The following CHD8 variants were observed in gnomAD, a reference collection of about 807,000 sequenced individuals.
The protein encoded by CHD8 is ATP-dependent chromatin remodeler CHD8.
A neutral mutation model predicts 279.2 loss-of-function variants in CHD8; 31 were observed. The ratio of observed to expected loss-of-function variants is 0.11; its 90% CI spans 0.08 to 0.15. The LOEUF (loss-of-function observed/expected upper bound fraction) is 0.15, where lower values mean the gene tolerates loss of function less well. Among genes scored for constraint, CHD8 ranks in the 10% least tolerant of loss-of-function variants. The pLI, the probability that CHD8 is intolerant of heterozygous loss-of-function variation, is 1.00. For missense variants in CHD8, 2,146 were observed against 3,230.5 expected (o/e 0.66, Z 8.14); for synonymous variants, 1,081 against 1,139.6 (o/e 0.95, Z 1.04).
chr14:21,387,809 C>CAAAAAAAAAA (rs34063784), intron 37 of CHD8, among the ~76,000 whole-genome samples: 1 of 76,170 alleles, frequency 1.3e-5, no homozygotes, highest in Non-Finnish European at 2.6e-5. Flanking sequence ...CTGTCTCAAG[C>CAAAAAAAAAA]AAAAAAAAAA....
At chr14:21,455,317 C>T (rs545847191) in intron 1 of CHD8, among the ~76,000 whole-genome samples, 1 of 152,278 alleles carries the variant, frequency 6.6e-6, no homozygotes, top group South Asian at 2.1e-4. Context: ...AGGGAAATTC[C>T]CTGCGACACT....
chr14:21,429,416 G>A, intron 2 of CHD8, 81 bp from the exon 3 acceptor site: 1 of 1,406,266 alleles, frequency 7.1e-7, no homozygotes, highest in East Asian at 2.3e-5. Flanking sequence ...TTTTCTTCAT[G>A]CTAGAATCAT....
In CHD8 at chr14:21,401,071, T is replaced by C. The variant is rs1233106802; in HGVS notation, c.4174A>G (p.Asn1392Asp). 6 of 1,600,808 alleles carry C rather than the reference T, an allele frequency of 3.7e-6. No individual in the cohort carries two copies. Among genetic ancestry groups the C allele is most frequent in the Non-Finnish European group, 5.1e-6 (6 of 1,173,280 alleles). ...DLDMDLLNSK[N>D]NLVIDTPRVR... ...CTAGGTGTGTCAATTACCAAATTAT[T>C]CTATGAAGAGAACAGAAGGAGAAGT... Residue 1392 changes from asparagine to aspartate, a missense_variant and splice_region_variant, in exon 22 of 38, where the codon AAT (asparagine) becomes GAT (aspartate). Asn to Asp is a conservative substitution (Grantham distance 23). This residue lies in a region of CHD8 where 74 missense variants were observed against 91.5 expected (regional missense o/e 0.81). Transcript: ENST00000646647.
At chr14:21,411,729 C>T (rs907530895) in intron 10 of CHD8, among the ~76,000 whole-genome samples, 2 of 152,074 alleles carry the variant, frequency 1.3e-5, no homozygotes, top group Non-Finnish European at 2.9e-5. Context: ...TAAAAGAAAG[C>T]TGAATTCACT....
intron 27 of CHD8, chr14:21,396,871 G>T (rs1887809032): frequency 6.5e-6 from 1 of 153,656 alleles, no homozygotes; most frequent in Non-Finnish European, 1.4e-5. Flanking sequence ...CACAGTGCCT[G>T]GCCTAGTATT....
chr14:21,418,614 G>A (rs919429746), intron 5 of CHD8, among the ~76,000 whole-genome samples: 24 of 152,170 alleles, frequency 1.6e-4, no homozygotes. Context: ...AGGAGATCGA[G>A]ACCATCCTGG....
rs765016238 is a variant in CHD8 at position 21,386,130 on chromosome 14, A to G, written c.7229T>C (p.Ile2410Thr). The change falls in exon 38 of 38, where the codon ATT (isoleucine) becomes ACT (threonine). Residue 2410 changes from isoleucine to threonine, a missense_variant. This residue lies in a region of CHD8 where 336 missense variants were observed against 392.9 expected (regional missense o/e 0.86). Transcript: ENST00000646647. The part of the protein sequence containing the change: ...TVFNRVLPGP[I>T]APESSKKRAR... ...CCGCTTCTTGCTGCTCTCTGGTGCA[A>G]TAGGCCCTGGCAAAACCCGGTTGAA... 3.4e-5 allele frequency: 53 copies of G among 1,553,028 alleles called. No individual in the cohort carries two copies. The highest frequency in any genetic ancestry group is 2.3e-4 in the South Asian group (19 of 84,118).
At chr14:21,452,346 TA>T (rs1890276443) in intron 1 of CHD8, among the ~76,000 whole-genome samples, 1 of 151,144 alleles carries the variant, frequency 6.6e-6, no homozygotes, top group Admixed American at 6.6e-5. Flanking sequence ...AAACTTTAGG[TA>T]AAAGAAAACT....
Position 21,395,050 on chromosome 14 carries a change from C to T in CHD8, c.5252G>A (p.Arg1751His). Residue 1751 changes from arginine to histidine, a missense_variant, in exon 30 of 38, where the codon CGT becomes CAT. Around this residue, in one of 26 missense-constraint regions of CHD8, gnomAD observed 11 missense variants for 35.6 expected, o/e 0.31. Transcript: ENST00000646647. ...GCTGCGCTGATACGCTGTTACTAGACGCCGAAGCCTAGCTGTTAGGGCAGA... is the reference window on the plus strand; with the variant it reads ...GCTGCGCTGATACGCTGTTACTAGATGCCGAAGCCTAGCTGTTAGGGCAGA... Reference protein sequence around the residue: ...PGSALTARLRRLVTAYQRSYK... With the variant: ...PGSALTARLRHLVTAYQRSYK... 4 of 1,614,022 alleles carry T rather than the reference C, an allele frequency of 2.5e-6. No homozygotes were observed. The highest frequency in any genetic ancestry group is 2.5e-6 in the Non-Finnish European group (3 of 1,179,894).
rs907908089 is a variant in CHD8, at chr14:21,431,704, C to T, written c.-61G>A. 3.1e-6 allele frequency: 5 copies of T among 1,600,070 alleles called. No individual in the cohort carries two copies. In the African/African-American group the frequency reaches 6.7e-5, roughly 21 times the overall value. ...TAGGGAGGGAAGGGGAGGGGGGGTACTGGCTCTCCCCTCCCCTCCCCTATT... is the reference window on the plus strand; with the variant it reads ...TAGGGAGGGAAGGGGAGGGGGGGTATTGGCTCTCCCCTCCCCTCCCCTATT... On this transcript the variant is annotated 5_prime_UTR_variant, in exon 2 of 38. Transcript: ENST00000646647.
At chr14:21,426,866 G>T (rs1187341104) in intron 4 of CHD8, 1 of 152,266 alleles carries the variant, frequency 6.6e-6, no homozygotes, top group Non-Finnish European at 1.5e-5. Context: ...GGTAGATGCT[G>T]AAATCTCCAA....
rs750624945 is a variant in CHD8 at position 21,386,131 on chromosome 14, T to C, written c.7228A>G (p.Ile2410Val). 32 of 1,552,740 alleles carry C rather than the reference T, an allele frequency of 2.1e-5. No individual in the cohort carries two copies. The highest frequency in any genetic ancestry group is 2.5e-5 in the Non-Finnish European group (29 of 1,147,678). Residue 2410 changes from isoleucine (I) to valine (V), a missense_variant, in exon 38 of 38, where the codon ATT becomes GTT. Ile to Val is a conservative substitution (Grantham distance 29). Around this residue, in one of 26 missense-constraint regions of CHD8, gnomAD observed 336 missense variants for 392.9 expected, o/e 0.86. Transcript: ENST00000646647. ...TVFNRVLPGP[I>V]APESSKKRAR... Reference sequence around the variant, plus strand: ...CGCTTCTTGCTGCTCTCTGGTGCAATAGGCCCTGGCAAAACCCGGTTGAAC... The same window carrying C: ...CGCTTCTTGCTGCTCTCTGGTGCAACAGGCCCTGGCAAAACCCGGTTGAAC...
chr14:21,451,571 CAAAAAAAA>C (rs969355375), intron 1 of CHD8, among the ~76,000 whole-genome samples: 15 of 31,640 alleles, frequency 4.7e-4, no homozygotes, highest in African/African-American at 5.7e-4. Context: ...GACTCTGTCT[CAAAAAAAA>C]AAAAAAAAAA....
intron 5 of CHD8, among the ~76,000 whole-genome samples, chr14:21,419,173 T>C (rs1286760901): frequency 6.6e-6 from 1 of 152,260 alleles, no homozygotes; most frequent in Non-Finnish European, 1.5e-5. Flanking sequence ...ACTTGATTTT[T>C]ATCACATCCA....
chr14:21,415,487 A>G (rs1242936430), intron 7 of CHD8, 87 bp downstream of exon 7: 3 of 763,942 alleles, frequency 3.9e-6, no homozygotes, highest in African/African-American at 1.8e-5. Context: ...CCTGGGTAAC[A>G]CAGTTAGACT....
In CHD8 at chr14:21,394,401, A is replaced by G. The variant is rs764373441; in HGVS notation, c.5475T>C (p.His1825=). Reference sequence around the variant, plus strand: ...GAGCAAAAGTGCGGAAGCGATCCCAATGGAACTGCATGGTGTCAGGGTCAT... The same window carrying G: ...GAGCAAAAGTGCGGAAGCGATCCCAGTGGAACTGCATGGTGTCAGGGTCAT... ...VEYDPDTMQF[H]WDRFRTFARL... Residue 1825 remains histidine (H), a synonymous_variant, in exon 31 of 38, where the codon CAT becomes CAC. Transcript: ENST00000646647. 8.7e-6 allele frequency: 14 copies of G among 1,613,822 alleles called. No homozygotes were observed. Among genetic ancestry groups the G allele is most frequent in the African/African-American group, 2.7e-5 (2 of 74,918 alleles).
At chr14:21,455,562 T>C (rs1257474755) in intron 1 of CHD8, among the ~76,000 whole-genome samples, 1 of 152,116 alleles carries the variant, frequency 6.6e-6, no homozygotes, top group East Asian at 1.9e-4. Flanking sequence ...TGCTTACGCT[T>C]ACCCCATGCT....
intron 10 of CHD8, among the ~76,000 whole-genome samples, chr14:21,411,039 G>C (rs1036348913): frequency 6.6e-6 from 1 of 152,170 alleles, no homozygotes; most frequent in Non-Finnish European, 1.5e-5. Flanking sequence ...CCAATACTGG[G>C]AGCATAAATT....
Position 21,394,957 on chromosome 14 carries a change from G to A in CHD8, c.5345C>T (p.Ala1782Val). 1 of 1,614,006 alleles carries A rather than the reference G, an allele frequency of 6.2e-7. No individual in the cohort carries two copies. The highest frequency in any genetic ancestry group is 1.1e-5 in the South Asian group (1 of 91,078). Residue 1782 changes from alanine to valine, a missense_variant, in exon 30 of 38, where the codon GCA becomes GTA. Around this residue, in one of 26 missense-constraint regions of CHD8, gnomAD observed 513 missense variants for 637.6 expected, o/e 0.80. Transcript: ENST00000646647. ...TGCAATTTCTTTCAGCTTGAAGGCT[G>A]CTTCACAACGCCGCCTTCGCCGGTC... ...RGDRRRRRCE[A>V]AFKLKEIARR...
Sources: allele counts gnomAD v4.1 joint callset (sites outside exome capture counted in the v4.1 genomes callset), GRCh38; gene constraint gnomAD v4.1.1; regional missense constraint gnomAD v4.1.1; transcripts MANE v1.5; gene names NCBI Gene and HGNC (gene_info 2026-07-23, HGNC 2026-07-21).